Variants in ARHGAP15 observed in about 807,000 individuals in gnomAD.
ARHGAP15 encodes the protein rho GTPase-activating protein 15.
Under a neutral mutation model 63.7 loss-of-function variants are expected in ARHGAP15, and 51 were observed. The observed-to-expected ratio is 0.80, with a 90% confidence interval of 0.64 to 1.01. ARHGAP15 has a LOEUF of 1.01. ARHGAP15 is among the 50% of genes least tolerant of loss of function. The pLI, the probability that ARHGAP15 is intolerant of heterozygous loss-of-function variation, is 0.00. For synonymous variants in ARHGAP15, 191 were observed against 193.8 expected (o/e 0.99, Z 0.12); for missense variants, 560 against 564.6 (o/e 0.99, Z 0.08).
chr2:143,670,335 T>C (rs903378988), intron 12 of ARHGAP15, among the ~76,000 whole-genome samples: 3 of 152,196 alleles, frequency 2.0e-5, no homozygotes, highest in Admixed American at 2.0e-4. Context: ...GTGTAAAACA[T>C]GTATCTTATA....
chr2:143,347,958 T>C (rs1685369154), intron 6 of ARHGAP15, among the ~76,000 whole-genome samples: 1 of 152,254 alleles, frequency 6.6e-6, no homozygotes, highest in African/African-American at 2.4e-5. Context: ...AGTTATTTTG[T>C]GTGAGCCCAG....
At chr2:143,306,658 T>A (rs1012542885) in intron 6 of ARHGAP15, among the ~76,000 whole-genome samples, 5 of 152,126 alleles carry the variant, frequency 3.3e-5, no homozygotes, top group Admixed American at 3.3e-4. Context: ...TGTCCTTGGA[T>A]AAGACAGACC....
intron 5 of ARHGAP15, among the ~76,000 whole-genome samples, chr2:143,244,192 G>T (rs1485821041): frequency 6.6e-6 from 1 of 151,924 alleles, no homozygotes; most frequent in Non-Finnish European, 1.5e-5. Flanking sequence ...AATAACTGTT[G>T]AACACTTATT....
intron 10 of ARHGAP15, among the ~76,000 whole-genome samples, chr2:143,527,786 G>A (rs1400878815): frequency 6.6e-6 from 1 of 152,028 alleles, no homozygotes; most frequent in Non-Finnish European, 1.5e-5. Context: ...TGTATAATCA[G>A]ATAAATTATA....
chr2:143,331,713 CAT>C lies in ARHGAP15; in HGVS notation c.474+81114_474+81115del, dbSNP rs554839651. On this transcript the variant is annotated intron_variant, in intron 6 of 13. Transcript: ENST00000295095. ...GAGGTACATGAGAAAAAAATTGAAA[CAT>C]GTAGCTACTTTAGAAAGGCTAAGAT... is the stretch of plus-strand genomic sequence containing the variant. 6.6e-5 allele frequency among the ~76,000 whole-genome samples: 10 copies of C among 152,152 alleles called. No homozygotes were observed. The South Asian group carries it at 1.9e-3, about 28-fold the overall frequency.
At chr2:143,368,141 C>T (rs1686377382) in intron 6 of ARHGAP15, among the ~76,000 whole-genome samples, 1 of 151,956 alleles carries the variant, frequency 6.6e-6, no homozygotes, top group Non-Finnish European at 1.5e-5. Flanking sequence ...ATCCCTTCTT[C>T]AAGAAAATCC....
At chr2:143,622,035 T>G (rs182074017) in intron 11 of ARHGAP15, among the ~76,000 whole-genome samples, 1 of 152,232 alleles carries the variant, frequency 6.6e-6, no homozygotes, top group Admixed American at 6.5e-5. Flanking sequence ...TGTGTGTGTG[T>G]TTAGGTTTCC....
chr2:143,562,064 A>G (rs1346235193), intron 11 of ARHGAP15, among the ~76,000 whole-genome samples: 1 of 152,192 alleles, frequency 6.6e-6, no homozygotes, highest in Non-Finnish European at 1.5e-5. Flanking sequence ...ATATTGGCTT[A>G]AAGAGATGGA....
chr2:143,213,332 G>A (rs6430006), intron 3 of ARHGAP15, among the ~76,000 whole-genome samples: 25,933 of 152,012 alleles, frequency 0.17, 2,396 homozygotes, highest in Middle Eastern at 0.24. Flanking sequence ...TGACCAACAT[G>A]GAGAAACACT....
intron 12 of ARHGAP15, among the ~76,000 whole-genome samples, chr2:143,668,049 TA>T (rs558158911): frequency 0.021 from 3,151 of 148,800 alleles, 35 homozygotes; most frequent in Middle Eastern, 0.035. Flanking sequence ...GAGAAACATT[TA>T]AAAAAAAAAG....
At chr2:143,235,507 G>T (rs1356314380) in intron 5 of ARHGAP15, among the ~76,000 whole-genome samples, 1 of 152,126 alleles carries the variant, frequency 6.6e-6, no homozygotes, top group Non-Finnish European at 1.5e-5. Flanking sequence ...GAGATTTGCT[G>T]AGTGACAAAT....
At chr2:143,642,479 G>A (rs67356707) in intron 12 of ARHGAP15, among the ~76,000 whole-genome samples, 28,126 of 151,994 alleles carry the variant, frequency 0.19, 2,800 homozygotes, top group South Asian at 0.25. Context: ...TGATCCTGGC[G>A]GCAGTCACAT....
chr2:143,496,819 A>G (rs912855543), intron 9 of ARHGAP15, among the ~76,000 whole-genome samples: 1 of 152,218 alleles, frequency 6.6e-6, no homozygotes. Flanking sequence ...AATAAAACCC[A>G]GTTGATTCAG....
At chr2:143,373,929 T>C (rs949236898) in intron 6 of ARHGAP15, among the ~76,000 whole-genome samples, 15 of 152,142 alleles carry the variant, frequency 9.9e-5, no homozygotes, top group Admixed American at 3.3e-4. Flanking sequence ...CCCAAATACA[T>C]GAAACATCCT....
intron 6 of ARHGAP15, among the ~76,000 whole-genome samples, chr2:143,268,437 G>A (rs1681106240): frequency 6.6e-6 from 1 of 152,062 alleles, no homozygotes. Context: ...AAACCAAAAT[G>A]AGTCTTATGT....
In ARHGAP15 at chr2:143,544,682, A is replaced by G. The variant is rs184081695; in HGVS notation, c.926-11726A>G. 7.2e-5 allele frequency among the ~76,000 whole-genome samples: 11 copies of G among 152,344 alleles called. No individual in the cohort carries two copies. The East Asian group carries it at 7.7e-4, about 11-fold the overall frequency. The stretch of plus-strand genomic sequence containing the variant: ...CCAATGCCTAGCACACTTTTGCTAC[A>G]TAGTAAGTACCTACACAATATCTGT... On this transcript the variant is annotated intron_variant, in intron 10 of 13. Coordinates refer to ENST00000295095, the MANE Select transcript of ARHGAP15 (RefSeq NM_018460.4).
intron 8 of ARHGAP15, among the ~76,000 whole-genome samples, chr2:143,473,420 A>T (rs994767306): frequency 1.3e-5 from 2 of 152,146 alleles, no homozygotes; most frequent in Non-Finnish European, 2.9e-5. Context: ...CCTGGTGGAT[A>T]TTTCCTAACT....
intron 12 of ARHGAP15, among the ~76,000 whole-genome samples, chr2:143,697,017 A>G (rs1024974580): frequency 6.6e-6 from 1 of 152,118 alleles, no homozygotes; most frequent in Admixed American, 6.6e-5. Flanking sequence ...GGGTTTGGGG[A>G]GAAGGGCACA....
At chr2:143,336,009 AT>A (rs926332527) in intron 6 of ARHGAP15, among the ~76,000 whole-genome samples, 115 of 137,350 alleles carry the variant, frequency 8.4e-4, no homozygotes, top group Admixed American at 1.7e-3. Context: ...TTTGTAGTTT[AT>A]TTTTTTTGAG....
Sources: allele counts gnomAD v4.1 joint callset (sites outside exome capture counted in the v4.1 genomes callset), GRCh38; gene constraint gnomAD v4.1.1; transcripts MANE v1.5; gene names NCBI Gene and HGNC (gene_info 2026-07-23, HGNC 2026-07-21).